Variants in GABRA3 observed in about 807,000 individuals in gnomAD.
GABRA3 encodes the protein gamma-aminobutyric acid type A receptor subunit alpha3.
A neutral mutation model predicts 30.1 loss-of-function variants in GABRA3; 10 were observed. The ratio of observed to expected loss-of-function variants is 0.33; its 90% CI spans 0.20 to 0.56. GABRA3 has a LOEUF of 0.56. GABRA3 is among the 20% of genes least tolerant of loss of function. The pLI, the probability that GABRA3 is intolerant of heterozygous loss-of-function variation, is 0.89. For missense variants in GABRA3, 233 were observed against 392.0 expected (o/e 0.59, Z 3.42); for synonymous variants, 151 against 146.8 (o/e 1.03, Z -0.21).
At chrX:152,240,469 T>C (rs2124400774) in intron 5 of GABRA3, among the ~76,000 whole-genome samples, 1 of 86,633 alleles carries the variant, frequency 1.2e-5, no homozygotes, top group African/African-American at 5.2e-5. Flanking sequence ...GACAATTATG[T>C]GTCTTGGAGT....
At chrX:152,319,717 G>C (rs1939932806) in intron 3 of GABRA3, among the ~76,000 whole-genome samples, 1 of 111,302 alleles carries the variant, frequency 9.0e-6, no homozygotes, top group South Asian at 3.7e-4. Flanking sequence ...AAAAACAAAA[G>C]ATAAATAGGT....
intron 1 of GABRA3, among the ~76,000 whole-genome samples, chrX:152,434,596 G>T (rs1370319512): frequency 9.0e-6 from 1 of 110,797 alleles, no homozygotes; most frequent in Non-Finnish European, 1.9e-5. Flanking sequence ...TATAAGAAAA[G>T]AAAATTAAAG....
chrX:152,335,343 T>C (rs1021587728), intron 3 of GABRA3, among the ~76,000 whole-genome samples: 1 of 111,679 alleles, frequency 9.0e-6, no homozygotes, highest in Non-Finnish European at 1.9e-5. Flanking sequence ...AGAGAGAGCA[T>C]CAGATCGTTC....
rs1937930062 is a variant in GABRA3, at chrX:152,225,432, G to GCACACGCA, written c.552-588_552-587insTGCGTGTG. Among the ~76,000 whole-genome samples the GCACACGCA allele has an allele frequency of 3.1e-5, 3 of 96,491 alleles. No individual in the cohort carries two copies. The Admixed American group carries it at 3.5e-4, about 11-fold the overall frequency. 83.8% of individuals were successfully genotyped at this position (96,491 alleles called of 115,157 possible). A position where few individuals can be genotyped will look rare whatever the true frequency, so the allele number is the denominator to read the frequency against. On this transcript the variant is annotated intron_variant, in intron 5 of 9. Coordinates refer to ENST00000370314, the MANE Select transcript of GABRA3 (RefSeq NM_000808.4). ...CACACACACACGCACACACACACAC[G>GCACACGCA]CACACACACACACACACACACACAC...
intron 1 of GABRA3, among the ~76,000 whole-genome samples, chrX:152,434,517 C>T (rs768691316): frequency 5.4e-5 from 6 of 111,158 alleles, no homozygotes; most frequent in South Asian, 7.5e-4. Flanking sequence ...TCACAAAAGA[C>T]GGAAAAAACA....
chrX:152,211,265 CTTAAG>C (rs749794766), intron 6 of GABRA3, among the ~76,000 whole-genome samples: 18 of 109,125 alleles, frequency 1.6e-4, no homozygotes, highest in South Asian at 4.0e-4. Flanking sequence ...GATCTCTTAA[CTTAAG>C]TTGAGTACCT....
chrX:152,433,926 A>G (rs760288606), intron 1 of GABRA3, among the ~76,000 whole-genome samples: 79 of 112,100 alleles, frequency 7.0e-4, no homozygotes, highest in African/African-American at 2.5e-3. Context: ...TGTAGATGAA[A>G]CAGGCAGAAT....
In GABRA3 at chrX:152,451,170, GGA is replaced by G. The variant is rs1931213074; in HGVS notation, c.-53_-52del. ...CCGAGCTCTACAGTCTGAGCGGAAA[GGA>G]GAGAAGGATGAATGAACTGAAACAA... On this transcript the variant is annotated 5_prime_UTR_variant, in exon 1 of 10. Transcript: ENST00000370314. The G allele has an allele frequency of 8.9e-6, 1 of 112,332 alleles. No homozygotes were observed. The highest frequency in any genetic ancestry group is 3.2e-5 in the African/African-American group (1 of 30,863). The allele number at this position is 112,332 out of a possible 1,213,427, so 9.3% of individuals were successfully genotyped here.
chrX:152,374,523 C>T (rs769115450), intron 1 of GABRA3, among the ~76,000 whole-genome samples: 2 of 108,522 alleles, frequency 1.8e-5, no homozygotes, highest in South Asian at 4.1e-4. Flanking sequence ...GCTGATTTTT[C>T]GTATTTTTAG....
At chrX:152,261,514 A>G (rs1043114636) in intron 4 of GABRA3, among the ~76,000 whole-genome samples, 2 of 112,112 alleles carry the variant, frequency 1.8e-5, no homozygotes, top group African/African-American at 6.5e-5. Flanking sequence ...AAACTGGCCA[A>G]ACAAAGGGGC....
chrX:152,275,315 TA>T (rs1186306128), intron 4 of GABRA3, among the ~76,000 whole-genome samples: 1 of 74,610 alleles, frequency 1.3e-5, no homozygotes, highest in Non-Finnish European at 2.3e-5. Context: ...TAAATATATA[TA>T]ATATATAATA....
chrX:152,421,950 G>T (rs758340771), intron 1 of GABRA3, among the ~76,000 whole-genome samples: 7 of 96,591 alleles, frequency 7.2e-5, no homozygotes, highest in Non-Finnish European at 1.5e-4. Flanking sequence ...ACTGCCAGTG[G>T]ATGTGTAAAT....
chrX:152,319,016 T>A (rs969409628), intron 3 of GABRA3, among the ~76,000 whole-genome samples: 4 of 111,303 alleles, frequency 3.6e-5, no homozygotes, highest in Non-Finnish European at 7.6e-5. Flanking sequence ...ATAAAGAGCA[T>A]CAAAATCGGT....
At chrX:152,285,120 T>A (rs1235187381) in intron 3 of GABRA3, among the ~76,000 whole-genome samples, 1 of 111,909 alleles carries the variant, frequency 8.9e-6, no homozygotes, top group Non-Finnish European at 1.9e-5. Flanking sequence ...CCCCTGCCTT[T>A]TTAAAATATA....
intron 5 of GABRA3, among the ~76,000 whole-genome samples, chrX:152,249,970 C>T (rs1021383474): frequency 9.0e-6 from 1 of 111,128 alleles, no homozygotes; most frequent in Non-Finnish European, 1.9e-5. Context: ...CCTATCATGT[C>T]TCACAAAGAA....
At chrX:152,202,667 AT>A (rs1304297602) in intron 7 of GABRA3, among the ~76,000 whole-genome samples, 2 of 112,657 alleles carry the variant, frequency 1.8e-5, no homozygotes, top group Non-Finnish European at 3.7e-5. Context: ...AATTTACTAT[AT>A]GATAAAAGAA....
rs183574436 is a variant in GABRA3 at position 152,233,135 on chromosome X, C to T, written c.552-8290G>A. Among the ~76,000 whole-genome samples, 121 of 107,905 alleles carry T rather than the reference C, an allele frequency of 1.1e-3. No individual in the cohort carries two copies. In the East Asian group the frequency reaches 0.028, roughly 25 times the overall value. The allele number at this position is 107,905 out of a possible 115,157, so 93.7% of individuals were successfully genotyped here. A position where few individuals can be genotyped will look rare whatever the true frequency, so the allele number is the denominator to read the frequency against. Reference sequence around the variant, plus strand: ...TTGTATGTCTTCTTTTGAAAAATGTCGGTTCATGATGGGGTTGTTTGTTTT... The same window carrying T: ...TTGTATGTCTTCTTTTGAAAAATGTTGGTTCATGATGGGGTTGTTTGTTTT... On this transcript the variant is annotated intron_variant, in intron 5 of 9. Coordinates refer to ENST00000370314, the MANE Select transcript of GABRA3 (RefSeq NM_000808.4).
intron 5 of GABRA3, among the ~76,000 whole-genome samples, chrX:152,248,541 G>A (rs1819104659): frequency 9.0e-6 from 1 of 111,432 alleles, no homozygotes; most frequent in Non-Finnish European, 1.9e-5. Context: ...ACTTGGAAAT[G>A]AGCCGCTTGT....
chrX:152,412,045 A>G (rs1285209182), intron 1 of GABRA3, among the ~76,000 whole-genome samples: 2 of 112,002 alleles, frequency 1.8e-5, no homozygotes, highest in African/African-American at 3.2e-5. Context: ...AAAAAAAGAT[A>G]CAGAAATGAC....
Sources: allele counts gnomAD v4.1 joint callset (sites outside exome capture counted in the v4.1 genomes callset), GRCh38; gene constraint gnomAD v4.1.1; transcripts MANE v1.5; gene names NCBI Gene and HGNC (gene_info 2026-07-23, HGNC 2026-07-21).